Variants in KBTBD2 observed in about 807,000 individuals in gnomAD.
KBTBD2 encodes the protein kelch repeat and BTB domain containing 2, also known as kelch repeat and BTB domain-containing protein 2.
A neutral mutation model predicts 57.1 loss-of-function variants in KBTBD2; 17 were observed. The observed-to-expected ratio is 0.30, with a 90% CI of 0.20 to 0.45. KBTBD2 has a LOEUF of 0.45. KBTBD2 is among the 20% of genes least tolerant of loss of function. The probability of loss-of-function intolerance (pLI) is 1.00; values close to 1 mark genes in which losing one functional copy is unlikely to be tolerated. For missense variants in KBTBD2, 515 were observed against 750.6 expected, an observed-to-expected ratio of 0.69 and a Z score of 3.67; for synonymous variants, 267 against 262.7, an observed-to-expected ratio of 1.02 and a Z score of -0.16.
In KBTBD2 at chr7:32,879,642, A is replaced by G. The variant is rs1784400483; in HGVS notation, c.-38T>C. 2.5e-6 allele frequency: 4 copies of G among 1,571,536 alleles called. No homozygotes were observed. The highest frequency in any genetic ancestry group is 3.5e-6 in the Non-Finnish European group (4 of 1,149,074). On this transcript the variant is annotated 5_prime_UTR_variant, in exon 2 of 4. Transcript: ENST00000304056. ...TTAATATCTCCAGGAACAGATTAGA[A>G]AAGTCCGTCTTACTGATGGAAGGTC...
intron 1 of KBTBD2, among the ~76,000 whole-genome samples, chr7:32,881,706 T>C (rs1784448304): frequency 6.6e-6 from 1 of 152,184 alleles, no homozygotes. Flanking sequence ...TCTACTACTA[T>C]AATCTCTAAG....
At chr7:32,878,992 T>A (rs963046898) in intron 2 of KBTBD2, among the ~76,000 whole-genome samples, 5 of 151,926 alleles carry the variant, frequency 3.3e-5, no homozygotes, top group African/African-American at 1.2e-4. Flanking sequence ...TAGTAAAGAG[T>A]GAGAAAAAAT....
chr7:32,875,690 A>C (rs532478464), intron 2 of KBTBD2, among the ~76,000 whole-genome samples: 1 of 152,342 alleles, frequency 6.6e-6, no homozygotes, highest in African/African-American at 2.4e-5. Flanking sequence ...TTATATTCAT[A>C]CCATGAAATA....
chr7:32,883,162 G>A (rs1276065210), intron 1 of KBTBD2, among the ~76,000 whole-genome samples: 2 of 152,104 alleles, frequency 1.3e-5, no homozygotes, highest in Non-Finnish European at 2.9e-5. Flanking sequence ...CTTGAGGCCT[G>A]AGGCCTGGAG....
chr7:32,890,404 A>G (rs149944820), intron 1 of KBTBD2, among the ~76,000 whole-genome samples: 1 of 152,278 alleles, frequency 6.6e-6, no homozygotes, highest in African/African-American at 2.4e-5. Flanking sequence ...CGGGGAAAAA[A>G]GTCCTTATCA....
chr7:32,872,802 T>C (rs1328536799), intron 3 of KBTBD2, among the ~76,000 whole-genome samples: 1 of 152,216 alleles, frequency 6.6e-6, no homozygotes, highest in African/African-American at 2.4e-5. Context: ...ATTTTTAGAT[T>C]AGGGATGATG....
intron 1 of KBTBD2, among the ~76,000 whole-genome samples, chr7:32,880,353 A>G (rs771729886): frequency 3.9e-5 from 6 of 152,124 alleles, no homozygotes; most frequent in African/African-American, 1.4e-4. Context: ...TCTCCTACAC[A>G]GAGATTTCTC....
At chr7:32,880,550 TA>T (rs398066755) in intron 1 of KBTBD2, among the ~76,000 whole-genome samples, 2,515 of 146,754 alleles carry the variant, frequency 0.017, 62 homozygotes, top group African/African-American at 0.055. Flanking sequence ...ATATTTTACT[TA>T]AAAAAAAAAA....
chr7:32,889,406 G>T (rs1486831941), intron 1 of KBTBD2, among the ~76,000 whole-genome samples: 3 of 152,028 alleles, frequency 2.0e-5, no homozygotes, highest in African/African-American at 7.2e-5. Context: ...CTCGAGACCA[G>T]CCTGACCAAC....
chr7:32,881,721 A>G (rs1784448651), intron 1 of KBTBD2, among the ~76,000 whole-genome samples: 1 of 152,226 alleles, frequency 6.6e-6, no homozygotes, highest in African/African-American at 2.4e-5. Flanking sequence ...TCTAAGGCAA[A>G]TAATACTTAA....
intron 2 of KBTBD2, 83 bp from the exon 3 acceptor site, chr7:32,875,240 G>C: frequency 8.1e-7 from 1 of 1,239,382 alleles, no homozygotes. Context: ...TAGACAATAA[G>C]AGGTGTTTAT....
chr7:32,873,910 G>C (rs931426258), intron 3 of KBTBD2, among the ~76,000 whole-genome samples: 1 of 151,878 alleles, frequency 6.6e-6, no homozygotes, highest in Non-Finnish European at 1.5e-5. Flanking sequence ...TACACATTTT[G>C]TAAAAAGAAA....
chr7:32,885,378 T>C (rs1352790484), intron 1 of KBTBD2, among the ~76,000 whole-genome samples: 3 of 151,704 alleles, frequency 2.0e-5, no homozygotes, highest in African/African-American at 7.3e-5. Flanking sequence ...CTAACATCTT[T>C]TACCTAGTCA....
At chr7:32,891,884 C>T (rs1380010127), upstream of KBTBD2, 2 of 127,228 alleles carry the variant, frequency 1.6e-5, no homozygotes, top group African/African-American at 6.0e-5. Flanking sequence ...GCCCGCCGCC[C>T]CCGCCGCCCC....
chr7:32,888,743 C>T (rs1043620714), intron 1 of KBTBD2, among the ~76,000 whole-genome samples: 2 of 150,894 alleles, frequency 1.3e-5, no homozygotes, highest in Admixed American at 1.3e-4. Flanking sequence ...GCTCTAGTCA[C>T]ATTCAGAGCT....
Position 32,869,609 on chromosome 7 carries a change from C to T in KBTBD2, c.1608G>A (p.Val536=), listed in dbSNP as rs1434388968. 1 of 1,614,148 alleles carries T rather than the reference C, an allele frequency of 6.2e-7. No homozygotes were observed. Among genetic ancestry groups the T allele is most frequent in the South Asian group, 1.1e-5 (1 of 91,080 alleles). Residue 536 remains valine, a synonymous_variant, in exon 4 of 4, where the codon GTG becomes GTA. Transcript: ENST00000304056. ...CATTTAAGTGGGTTTCTCGCATAAACACACATAGAGAATTTGAGATCACAA... is the reference window on the plus strand; with the variant it reads ...CATTTAAGTGGGTTTCTCGCATAAATACACATAGAGAATTTGAGATCACAA... ...RAVVISNSLC[V]FMRETHLNER...
intron 1 of KBTBD2, chr7:32,891,233 GCGCCCGGTGCCGGGGCCGGAAA>G (rs1784729607): frequency 1.3e-5 from 2 of 150,144 alleles, no homozygotes; most frequent in South Asian, 2.1e-4. Flanking sequence ...GGGCGCCGAG[GCGCCCGGTGCCGGGGCCGGAAA>G]CGCCCAGCTA....
At chr7:32,886,206 G>A (rs1784577953) in intron 1 of KBTBD2, among the ~76,000 whole-genome samples, 1 of 152,012 alleles carries the variant, frequency 6.6e-6, no homozygotes. Context: ...CACCACGTCC[G>A]GCCTCTACCC....
intron 1 of KBTBD2, 58 bp from the exon 2 acceptor site, chr7:32,880,000 C>G (rs778739313): frequency 6.5e-6 from 1 of 154,728 alleles, no homozygotes; most frequent in African/African-American, 2.4e-5. Context: ...TAGAATATAA[C>G]GTTTAAAATG....
Sources: gnomAD v4.1 joint callset for allele counts (sites outside exome capture counted in the v4.1 genomes callset) on GRCh38, gnomAD v4.1.1 for gene constraint, MANE v1.5 for transcripts, NCBI Gene and HGNC (gene_info 2026-07-23, HGNC 2026-07-21) for gene names.